Variants in EPB41L5 observed in about 807,000 individuals in gnomAD.
EPB41L5 encodes the protein erythrocyte membrane protein band 4.1 like 5, also known as band 4.1-like protein 5.
EPB41L5 carries 55 observed loss-of-function variants against 106.6 expected under a neutral mutation model. That is an observed-to-expected ratio of 0.52 (90% CI 0.42 to 0.65). The LOEUF (loss-of-function observed/expected upper bound fraction) is 0.65. Among genes scored for constraint, EPB41L5 ranks in the 30% least tolerant of loss-of-function variants. The pLI is 0.00. For missense variants in EPB41L5, 871 were observed against 882.1 expected (o/e 0.99, Z 0.16); for synonymous variants, 297 against 306.7 (o/e 0.97, Z 0.33).
intron 10 of EPB41L5, among the ~76,000 whole-genome samples, chr2:120,079,942 G>A (rs1390195038): frequency 3.9e-5 from 6 of 151,912 alleles, no homozygotes; most frequent in Admixed American, 2.0e-4. Context: ...CCCTGCCCCC[G>A]CTAACTGCCT....
chr2:120,049,011 A>G (rs955015627), intron 3 of EPB41L5, among the ~76,000 whole-genome samples: 11 of 152,170 alleles, frequency 7.2e-5, no homozygotes, highest in African/African-American at 2.7e-4. Flanking sequence ...GTTTGATTGC[A>G]CTGTGGTCTG....
At chr2:120,072,505 C>G (rs1175058471) in intron 3 of EPB41L5, among the ~76,000 whole-genome samples, 1 of 152,086 alleles carries the variant, frequency 6.6e-6, no homozygotes, top group African/African-American at 2.4e-5. Flanking sequence ...GCACTGTTCA[C>G]AATAGCAAAG....
chr2:120,072,024 T>G (rs532370455), intron 3 of EPB41L5, among the ~76,000 whole-genome samples: 2 of 152,252 alleles, frequency 1.3e-5, no homozygotes, highest in South Asian at 4.1e-4. Flanking sequence ...CAGAAAATTT[T>G]TGCAATGTAT....
At chr2:120,165,570 C>G (rs150516869) in intron 22 of EPB41L5, among the ~76,000 whole-genome samples, 1 of 152,194 alleles carries the variant, frequency 6.6e-6, no homozygotes, top group Admixed American at 6.5e-5. Context: ...TTTTTTCCCT[C>G]CAAATATTTT....
intron 13 of EPB41L5, 22 bp downstream of exon 13, chr2:120,091,683 A>G: frequency 6.4e-7 from 1 of 1,564,890 alleles, no homozygotes; most frequent in Non-Finnish European, 8.8e-7. Context: ...CCCTCTTTCA[A>G]AGGATTATTT....
intron 10 of EPB41L5, among the ~76,000 whole-genome samples, chr2:120,081,010 C>T (rs1682615159): frequency 6.6e-6 from 1 of 152,046 alleles, no homozygotes; most frequent in African/African-American, 2.4e-5. Context: ...TAGATATTAG[C>T]ACTTTGTCAG....
chr2:120,024,908 G>A (rs1004192535), intron 2 of EPB41L5, among the ~76,000 whole-genome samples: 2 of 152,206 alleles, frequency 1.3e-5, no homozygotes, highest in African/African-American at 4.8e-5. Flanking sequence ...CGGTTCGCCA[G>A]TATTTTATTG....
At position 120,106,270 on chromosome 2, in the gene EPB41L5, G is replaced by A. The variant is rs138615910; in HGVS notation, c.1337+5456G>A. On this transcript the variant is annotated intron_variant, in intron 16 of 24. Transcript: ENST00000263713. ...CAGCGATAGGGGTGAGGAAAGTAAA[G>A]GGCTAAGGCTGGATGGTAGTAAAAT... The A allele has an allele frequency of 1.0e-3, 1,020 of 985,356 alleles. 9 individuals carry two copies. In the African/African-American group the frequency reaches 0.017, roughly 17 times the overall value. 61.0% of individuals were successfully genotyped at this position (985,356 alleles called of 1,614,324 possible).
intron 7 of EPB41L5, 64 bp downstream of exon 7, chr2:120,075,817 T>G (rs1682194957): frequency 7.9e-7 from 1 of 1,268,748 alleles, no homozygotes; most frequent in African/African-American, 1.5e-5. Flanking sequence ...TGTTTTTAGT[T>G]AAAGAAGATT....
intron 18 of EPB41L5, among the ~76,000 whole-genome samples, chr2:120,137,942 C>G (rs1301717370): frequency 6.6e-6 from 1 of 151,800 alleles, no homozygotes; most frequent in Non-Finnish European, 1.5e-5. Context: ...AATACTGATG[C>G]AAAAATCTTC....
Position 120,171,406 on chromosome 2 carries a change from C to T in EPB41L5, c.2135+3399C>T, listed in dbSNP as rs1440161231. ...CCCATTTCACTCATCTGCCATCCCA[C>T]TACCCTTGCCCATTTTAGCATAATT... is the stretch of plus-strand genomic sequence containing the variant. On this transcript the variant is annotated intron_variant, in intron 24 of 24. Transcript: ENST00000263713. Among the ~76,000 whole-genome samples, 4 of 152,194 alleles carry T rather than the reference C, an allele frequency of 2.6e-5. No individual in the cohort carries two copies. In the South Asian group the frequency reaches 8.3e-4, roughly 31 times the overall value.
chr2:120,013,753 A>T (rs865846848), intron 1 of EPB41L5: 3 of 152,210 alleles, frequency 2.0e-5, no homozygotes, highest in Non-Finnish European at 1.5e-5. Context: ...CGTGCTAATG[A>T]TGGGTTCTTT....
chr2:120,173,904 C>T lies in EPB41L5; in HGVS notation c.2136-937C>T, dbSNP rs932916020. Among the ~76,000 whole-genome samples the T allele has an allele frequency of 2.8e-4, 43 of 152,128 alleles. 1 individual carries two copies. Among genetic ancestry groups the T allele is most frequent in the African/African-American group, 7.7e-4 (32 of 41,422 alleles). ...CTCACTTTGTTGCCCAGACTGGTCC[C>T]GAACTCCTGGTCTCAGTGGATTCTC... On this transcript the variant is annotated intron_variant, in intron 24 of 24. Transcript: ENST00000263713.
At chr2:120,069,599 G>A (rs1467365453) in intron 3 of EPB41L5, among the ~76,000 whole-genome samples, 1 of 152,144 alleles carries the variant, frequency 6.6e-6, no homozygotes, top group Non-Finnish European at 1.5e-5. Flanking sequence ...TGAAAGAACA[G>A]AAGTCATAAC....
At chr2:120,045,879 G>T (rs994978490) in intron 3 of EPB41L5, among the ~76,000 whole-genome samples, 1 of 150,498 alleles carries the variant, frequency 6.6e-6, no homozygotes, top group African/African-American at 2.5e-5. Flanking sequence ...TCATTGTTCA[G>T]TTCCCACCTA....
At chr2:120,054,927 T>C (rs1036734739) in intron 3 of EPB41L5, among the ~76,000 whole-genome samples, 11 of 149,560 alleles carry the variant, frequency 7.4e-5, no homozygotes, top group Non-Finnish European at 1.2e-4. Context: ...AGTGCAATCA[T>C]GCGAACTTGG....
intron 19 of EPB41L5, among the ~76,000 whole-genome samples, chr2:120,144,781 A>G (rs1443163738): frequency 6.6e-6 from 1 of 152,232 alleles, no homozygotes; most frequent in Admixed American, 6.5e-5. Flanking sequence ...TTAACAAAAT[A>G]TATTCAAAAC....
chr2:120,166,719 C>T lies in EPB41L5; in HGVS notation c.1963-747C>T, dbSNP rs534134994. 3.3e-5 allele frequency among the ~76,000 whole-genome samples: 5 copies of T among 152,336 alleles called. No individual in the cohort carries two copies. In the South Asian group the frequency reaches 6.2e-4, roughly 19 times the overall value. ...TCAAAATGCTGGGGTTACAGGCGTG[C>T]GCCACTGCGCCCAGCCTGTGTTTTT... On this transcript the variant is annotated intron_variant, in intron 22 of 24. Coordinates refer to ENST00000263713, the MANE Select transcript of EPB41L5 (RefSeq NM_020909.4).
rs377624047 is a variant in EPB41L5 at position 120,056,378 on chromosome 2, C to T, written c.285+14268C>T. Among the ~76,000 whole-genome samples, 7 of 151,712 alleles carry T rather than the reference C, an allele frequency of 4.6e-5. No homozygotes were observed. The East Asian group carries it at 5.8e-4, about 13-fold the overall frequency. ...GCAGTGGCGTGATCTCAGCTCACTG[C>T]AACATCTGCCTCCTGGTTCAAGCGA... On this transcript the variant is annotated intron_variant, in intron 3 of 24. Coordinates refer to ENST00000263713, the MANE Select transcript of EPB41L5 (RefSeq NM_020909.4).
Sources: allele counts gnomAD v4.1 joint callset (sites outside exome capture counted in the v4.1 genomes callset), GRCh38; gene constraint gnomAD v4.1.1; transcripts MANE v1.5; gene names NCBI Gene and HGNC (gene_info 2026-07-23, HGNC 2026-07-21).